VAV3: variants seen among roughly 807,000 people sequenced by gnomAD.
VAV3 encodes the protein guanine nucleotide exchange factor VAV3.
VAV3 carries 94 observed loss-of-function variants against 131.2 expected under a neutral mutation model. The ratio of observed to expected loss-of-function variants is 0.72; its 90% confidence interval spans 0.61 to 0.85. The LOEUF (loss-of-function observed/expected upper bound fraction) is 0.85. VAV3 is among the 40% of genes least tolerant of loss of function. The pLI, the probability that VAV3 is intolerant of heterozygous loss-of-function variation, is 0.00. For synonymous variants in VAV3, 349 were observed against 342.0 expected, an observed-to-expected ratio of 1.02 and a Z score of -0.22; for missense variants, 939 against 1,002.7, an observed-to-expected ratio of 0.94 and a Z score of 0.86.
intron 2 of VAV3, among the ~76,000 whole-genome samples, chr1:107,867,081 T>A (rs953883748): frequency 1.4e-4 from 22 of 152,272 alleles, no homozygotes; most frequent in African/African-American, 4.3e-4. Context: ...GACTTTTCAG[T>A]TCCTTTACTA....
chr1:107,865,308 C>T (rs1368584452), intron 2 of VAV3, among the ~76,000 whole-genome samples: 1 of 152,138 alleles, frequency 6.6e-6, no homozygotes, highest in African/African-American at 2.4e-5. Context: ...GTAGCAAAGC[C>T]AGGCCCAGAA....
chr1:107,697,535 T>A (rs1255112486), intron 17 of VAV3, among the ~76,000 whole-genome samples: 1 of 152,234 alleles, frequency 6.6e-6, no homozygotes, highest in Non-Finnish European at 1.5e-5. Context: ...ATTTTCCTGC[T>A]TTGTAATGAA....
intron 1 of VAV3, among the ~76,000 whole-genome samples, chr1:107,898,801 A>G (rs1671727422): frequency 1.3e-5 from 2 of 152,206 alleles, no homozygotes; most frequent in African/African-American, 4.8e-5. Context: ...ACATGAACAT[A>G]AAAAACAAAA....
intron 17 of VAV3, among the ~76,000 whole-genome samples, chr1:107,698,097 C>T (rs1659856342): frequency 6.6e-6 from 1 of 152,168 alleles, no homozygotes; most frequent in South Asian, 2.1e-4. Flanking sequence ...CTTGGTTTCT[C>T]ATCTGTAAGA....
intron 25 of VAV3, among the ~76,000 whole-genome samples, chr1:107,590,232 G>C (rs952142717): frequency 1.3e-5 from 2 of 152,152 alleles, no homozygotes; most frequent in Admixed American, 1.3e-4. Flanking sequence ...TCTACACTTT[G>C]TTTTCAAACT....
intron 20 of VAV3, among the ~76,000 whole-genome samples, chr1:107,627,838 A>G (rs1479825220): frequency 6.6e-6 from 1 of 152,212 alleles, no homozygotes; most frequent in Non-Finnish European, 1.5e-5. Flanking sequence ...TTAATAAACA[A>G]TTCCTTTTAA....
chr1:107,712,826 G>A, intron 15 of VAV3, among the ~76,000 whole-genome samples: 1 of 152,188 alleles, frequency 6.6e-6, no homozygotes, highest in East Asian at 1.9e-4. Context: ...TGAAACTGCA[G>A]CTATGACAAG....
chr1:107,820,268 C>G (rs1667740951), intron 2 of VAV3, among the ~76,000 whole-genome samples: 1 of 152,124 alleles, frequency 6.6e-6, no homozygotes, highest in South Asian at 2.1e-4. Flanking sequence ...CAATAGAGTA[C>G]TATTCGTCCA....
Position 107,711,316 on chromosome 1 carries a change from T to C in VAV3, c.1503-6255A>G, listed in dbSNP as rs116139397. On this transcript the variant is annotated intron_variant, in intron 15 of 26. Coordinates refer to ENST00000370056, the MANE Select transcript of VAV3 (RefSeq NM_006113.5). ...TGGAAAAATCTCTTGAGACCCCGAGTGCAAAGATTTTGGAGGGACTGGTCA... is the reference window on the plus strand; with the variant it reads ...TGGAAAAATCTCTTGAGACCCCGAGCGCAAAGATTTTGGAGGGACTGGTCA... 1.5e-3 allele frequency among the ~76,000 whole-genome samples: 229 copies of C among 152,276 alleles called. 1 individual carries two copies. Among genetic ancestry groups the C allele is most frequent in the East Asian group, 7.1e-3 (37 of 5,188 alleles).
At chr1:107,718,463 A>T (rs1050805556) in intron 15 of VAV3, among the ~76,000 whole-genome samples, 2 of 152,132 alleles carry the variant, frequency 1.3e-5, no homozygotes, top group Non-Finnish European at 2.9e-5. Context: ...CACAATTGCT[A>T]CAAAGAGAAT....
intron 1 of VAV3, among the ~76,000 whole-genome samples, chr1:107,947,411 T>G (rs1024530540): frequency 1.6e-4 from 24 of 152,168 alleles, no homozygotes; most frequent in African/African-American, 5.8e-4. Context: ...AAAAGAACTG[T>G]GAGGAAAGCC....
chr1:107,798,025 C>G (rs980722608), intron 2 of VAV3, among the ~76,000 whole-genome samples: 1 of 152,116 alleles, frequency 6.6e-6, no homozygotes, highest in Non-Finnish European at 1.5e-5. Flanking sequence ...ACCATAGTTT[C>G]AAAGTTTATT....
At chr1:107,854,583 T>C (rs1427347146) in intron 2 of VAV3, among the ~76,000 whole-genome samples, 1 of 152,186 alleles carries the variant, frequency 6.6e-6, no homozygotes, top group Admixed American at 6.5e-5. Context: ...TGCAATCTCA[T>C]CTCCTGCTAC....
chr1:107,835,559 A>C (rs1187403261), intron 2 of VAV3, among the ~76,000 whole-genome samples: 3 of 152,180 alleles, frequency 2.0e-5, no homozygotes, highest in South Asian at 2.1e-4. Context: ...GCCTCTGCCC[A>C]ATGTAGCCTC....
intron 17 of VAV3, among the ~76,000 whole-genome samples, chr1:107,691,011 C>A (rs1050966356): frequency 6.6e-6 from 1 of 152,080 alleles, no homozygotes; most frequent in Non-Finnish European, 1.5e-5. Flanking sequence ...AGGCAAAACC[C>A]AAAGGAGTAT....
chr1:107,763,387 C>A (rs1664550017), intron 9 of VAV3, among the ~76,000 whole-genome samples: 1 of 152,112 alleles, frequency 6.6e-6, no homozygotes, highest in Admixed American at 6.5e-5. Context: ...AAGAACAACA[C>A]TCAAACAAGA....
At chr1:107,673,147 T>C (rs1396666558) in intron 19 of VAV3, among the ~76,000 whole-genome samples, 1 of 152,224 alleles carries the variant, frequency 6.6e-6, no homozygotes, top group Non-Finnish European at 1.5e-5. Context: ...CAATAAATTA[T>C]ACTAAAACCC....
At chr1:107,707,491 G>C (rs538835169) in intron 15 of VAV3, among the ~76,000 whole-genome samples, 1 of 152,324 alleles carries the variant, frequency 6.6e-6, no homozygotes, top group East Asian at 1.9e-4. Flanking sequence ...TACAATTTAT[G>C]AAGTGCTGAT....
intron 19 of VAV3, chr1:107,672,030 G>A (rs1255844687): frequency 1.3e-5 from 2 of 152,090 alleles, no homozygotes; most frequent in Admixed American, 6.5e-5. Context: ...CACGCCGCAA[G>A]GCCAAGGCGG....
Sources: allele counts gnomAD v4.1 joint callset (sites outside exome capture counted in the v4.1 genomes callset), GRCh38; gene constraint gnomAD v4.1.1; transcripts MANE v1.5; gene names NCBI Gene and HGNC (gene_info 2026-07-23, HGNC 2026-07-21).